FGF12: variants seen among roughly 807,000 people sequenced by gnomAD.
FGF12 encodes the protein fibroblast growth factor 12, also known as fibroblast growth factor 12B.
In FGF12, 14 loss-of-function variants were observed where a neutral mutation model predicts 23.6. The ratio of observed to expected loss-of-function variants is 0.59; its 90% CI spans 0.39 to 0.93. The LOEUF (loss-of-function observed/expected upper bound fraction) is 0.93, where lower values mean the gene tolerates loss of function less well. Ranked by LOEUF, FGF12 falls within the 40% of genes least tolerant of loss-of-function variation. The probability of loss-of-function intolerance (pLI) is 0.00; values close to 1 mark genes in which losing one functional copy is unlikely to be tolerated. For synonymous variants in FGF12, 62 were observed against 77.3 expected, an observed-to-expected ratio of 0.80 and a Z score of 1.04; for missense variants, 175 against 217.8, an observed-to-expected ratio of 0.80 and a Z score of 1.24.
At chr3:192,158,588 TCTCG>T (rs1440332259) in intron 5 of FGF12, among the ~76,000 whole-genome samples, 18 of 132,256 alleles carry the variant, frequency 1.4e-4, no homozygotes, top group South Asian at 2.9e-4. Flanking sequence ...CTTTCTTTCT[TCTCG>T]TCTTTCTCTT....
At chr3:192,642,118 G>A (rs1190762555) in intron 2 of FGF12, among the ~76,000 whole-genome samples, 2 of 152,320 alleles carry the variant, frequency 1.3e-5, no homozygotes, top group East Asian at 3.9e-4. Flanking sequence ...GATACCAAAT[G>A]TCTGAGAATT....
At chr3:192,529,132 C>T (rs1253326070) in intron 2 of FGF12, among the ~76,000 whole-genome samples, 1 of 152,178 alleles carries the variant, frequency 6.6e-6, no homozygotes, top group African/African-American at 2.4e-5. Context: ...ATTTTCCCAA[C>T]TTTTACGCTC....
At chr3:192,306,093 C>T (rs1715636900) in intron 4 of FGF12, among the ~76,000 whole-genome samples, 1 of 152,024 alleles carries the variant, frequency 6.6e-6, no homozygotes, top group Non-Finnish European at 1.5e-5. Context: ...ATCTCCTGAC[C>T]TCGTGATCCA....
intron 4 of FGF12, among the ~76,000 whole-genome samples, chr3:192,327,113 A>C (rs189636007): frequency 1.8e-4 from 27 of 152,264 alleles, no homozygotes; most frequent in African/African-American, 6.5e-4. Flanking sequence ...TAAGTCAAGC[A>C]CCTCACTAAG....
At chr3:192,455,128 C>T (rs1474991949) in intron 2 of FGF12, among the ~76,000 whole-genome samples, 1 of 152,030 alleles carries the variant, frequency 6.6e-6, no homozygotes, top group East Asian at 1.9e-4. Context: ...GCAATTACTT[C>T]CTAAAATTAA....
At chr3:192,369,670 T>C (rs1719135913) in intron 2 of FGF12, among the ~76,000 whole-genome samples, 1 of 152,202 alleles carries the variant, frequency 6.6e-6, no homozygotes, top group African/African-American at 2.4e-5. Flanking sequence ...TTCTTCTTTG[T>C]AATATGCTCA....
At chr3:192,576,401 A>T (rs1712886636) in intron 2 of FGF12, among the ~76,000 whole-genome samples, 1 of 152,218 alleles carries the variant, frequency 6.6e-6, no homozygotes, top group African/African-American at 2.4e-5. Context: ...GTTTTAGAAC[A>T]ACTGACTCTA....
At chr3:192,680,092 G>A (rs950459387) in intron 2 of FGF12, among the ~76,000 whole-genome samples, 8 of 152,018 alleles carry the variant, frequency 5.3e-5, no homozygotes, top group African/African-American at 1.7e-4. Context: ...TCGATGTTTC[G>A]CATTGCCTCA....
intron 2 of FGF12, among the ~76,000 whole-genome samples, chr3:192,626,559 AT>A (rs145602949): frequency 0.013 from 2,054 of 152,302 alleles, 47 homozygotes; most frequent in African/African-American, 0.047. Flanking sequence ...ATTAGTCATC[AT>A]TAGAGTAAGA....
chr3:192,321,234 G>A (rs888017727), intron 4 of FGF12, among the ~76,000 whole-genome samples: 6 of 151,954 alleles, frequency 3.9e-5, no homozygotes, highest in African/African-American at 1.4e-4. Flanking sequence ...GACACATACA[G>A]CATACCATGA....
At chr3:192,366,594 A>G (rs1718995721) in intron 2 of FGF12, among the ~76,000 whole-genome samples, 1 of 152,188 alleles carries the variant, frequency 6.6e-6, no homozygotes, top group Non-Finnish European at 1.5e-5. Flanking sequence ...GATTCAAGGA[A>G]GCTGCACCAC....
At chr3:192,364,942 T>C (rs1007504824) in intron 2 of FGF12, among the ~76,000 whole-genome samples, 9 of 152,108 alleles carry the variant, frequency 5.9e-5, no homozygotes, top group African/African-American at 2.2e-4. Flanking sequence ...AACATGCTGA[T>C]AGTATGTTCT....
intron 5 of FGF12, among the ~76,000 whole-genome samples, chr3:192,150,574 T>C (rs1484320162): frequency 6.8e-6 from 1 of 146,280 alleles, no homozygotes; most frequent in African/African-American, 2.5e-5. Context: ...AAATGGGGAA[T>C]CCTTTCCCCA....
chr3:192,526,144 T>G (rs1051769534), intron 2 of FGF12, among the ~76,000 whole-genome samples: 2 of 152,232 alleles, frequency 1.3e-5, no homozygotes, highest in Admixed American at 6.5e-5. Context: ...TATCCTGCTT[T>G]CTTTCTTCTT....
chr3:192,224,460 C>A (rs1264338174), intron 4 of FGF12, among the ~76,000 whole-genome samples: 1 of 152,070 alleles, frequency 6.6e-6, no homozygotes, highest in East Asian at 1.9e-4. Flanking sequence ...GTGTTCAAAT[C>A]TCAATTCTGC....
chr3:192,435,538 G>A (rs539358082), intron 2 of FGF12, among the ~76,000 whole-genome samples: 1 of 152,140 alleles, frequency 6.6e-6, no homozygotes, highest in Non-Finnish European at 1.5e-5. Flanking sequence ...CACAGATAAT[G>A]TACTGGAAAC....
At chr3:192,220,418 A>G (rs1021793709) in intron 4 of FGF12, among the ~76,000 whole-genome samples, 1 of 152,132 alleles carries the variant, frequency 6.6e-6, no homozygotes, top group African/African-American at 2.4e-5. Context: ...TTATGCTTTC[A>G]TTCCACTTGG....
rs995810040 is a variant in FGF12, at chr3:192,514,849, G to A, written c.14-154311C>T. The stretch of plus-strand genomic sequence containing the variant: ...GGCCTGTCTTCGGAAGCCGGGTCCC[G>A]AGTCCATCGCGCGCGCCCAGGTGGA... On this transcript the variant is annotated intron_variant, in intron 2 of 5. Transcript: ENST00000445105. The surrounding 1 kb of genome is among the most constrained non-coding windows in gnomAD (Gnocchi z 4.9). 2.8e-5 allele frequency: 28 copies of A among 985,330 alleles called. No individual in the cohort carries two copies. In the African/African-American group the frequency reaches 4.2e-4, roughly 15 times the overall value. The allele number at this position is 985,330 out of a possible 1,614,324, so 61.0% of individuals were successfully genotyped here. A position where few individuals can be genotyped will look rare whatever the true frequency, so the allele number is the denominator to read the frequency against.
intron 2 of FGF12, among the ~76,000 whole-genome samples, chr3:192,392,418 TAAATAA>T (rs1720334707): frequency 1.5e-5 from 2 of 136,434 alleles, no homozygotes; most frequent in African/African-American, 3.1e-5. Context: ...AAATAAAAAA[TAAATAA>T]ATAAATAAAT....
Sources: allele counts gnomAD v4.1 joint callset (sites outside exome capture counted in the v4.1 genomes callset), GRCh38; gene constraint gnomAD v4.1.1; non-coding constraint Gnocchi (gnomAD v3.1); transcripts MANE v1.5; gene names NCBI Gene and HGNC (gene_info 2026-07-23, HGNC 2026-07-21).